Variants in SGMS1 observed in about 807,000 individuals in gnomAD.
SGMS1 encodes phosphatidylcholine:ceramide cholinephosphotransferase 1.
In SGMS1, 13 loss-of-function variants were observed where a neutral mutation model predicts 46.2. That is an observed-to-expected ratio of 0.28 (90% CI 0.18 to 0.45). The LOEUF is 0.45. Ranked by LOEUF, SGMS1 falls within the 20% of genes least tolerant of loss-of-function variation. The pLI is 1.00. For synonymous variants in SGMS1, 203 were observed against 187.8 expected (o/e 1.08, Z -0.66); for missense variants, 324 against 519.9 (o/e 0.62, Z 3.66).
At chr10:50,524,602 G>C (rs916167845) in intron 2 of SGMS1, among the ~76,000 whole-genome samples, 8 of 152,140 alleles carry the variant, frequency 5.3e-5, no homozygotes, top group African/African-American at 1.9e-4. Flanking sequence ...TAACATGTAT[G>C]ATCTTATTTA....
intron 3 of SGMS1, among the ~76,000 whole-genome samples, chr10:50,517,444 AAG>A (rs1462662360): frequency 6.6e-6 from 1 of 152,226 alleles, no homozygotes; most frequent in Non-Finnish European, 1.5e-5. Context: ...AACACAGCTA[AAG>A]AGAGAAGTAT....
chr10:50,591,667 G>A (rs1029475882), intron 1 of SGMS1, among the ~76,000 whole-genome samples: 3 of 152,112 alleles, frequency 2.0e-5, no homozygotes, highest in East Asian at 3.8e-4. Flanking sequence ...ACACTGCATC[G>A]CTGGCGATTT....
chr10:50,445,105 A>T (rs1836994336), intron 5 of SGMS1, among the ~76,000 whole-genome samples: 2 of 152,238 alleles, frequency 1.3e-5, no homozygotes, highest in African/African-American at 4.8e-5. Context: ...AAGTACATGA[A>T]AAAATTTTCA....
chr10:50,504,270 T>C (rs952530332), intron 3 of SGMS1, among the ~76,000 whole-genome samples: 1 of 152,172 alleles, frequency 6.6e-6, no homozygotes, highest in Non-Finnish European at 1.5e-5. Context: ...GTCCGGGTGG[T>C]GCCTGAGAAT....
chr10:50,624,146 C>G (rs1838888876), upstream of SGMS1: 1 of 984,950 alleles, frequency 1.0e-6, no homozygotes, highest in Non-Finnish European at 1.2e-6. Flanking sequence ...ATTTTACTTT[C>G]AAGTAATGGG....
intron 6 of SGMS1, among the ~76,000 whole-genome samples, chr10:50,359,994 ATTAC>A (rs1375754079): frequency 3.3e-5 from 5 of 152,134 alleles, no homozygotes; most frequent in Non-Finnish European, 7.4e-5. Context: ...ATAAACATAT[ATTAC>A]TTGCATTTAG....
At chr10:50,429,589 C>A (rs1203374) in intron 6 of SGMS1, among the ~76,000 whole-genome samples, 125,486 of 152,000 alleles carry the variant, frequency 0.83, 51,911 homozygotes, top group East Asian at 1. Flanking sequence ...TTGTCCTTAA[C>A]TTTTAATTAT....
At chr10:50,419,852 C>T (rs1849231769) in intron 6 of SGMS1, among the ~76,000 whole-genome samples, 1 of 152,112 alleles carries the variant, frequency 6.6e-6, no homozygotes, top group African/African-American at 2.4e-5. Context: ...TTCCACAGGC[C>T]AAGGTTTCTT....
chr10:50,372,437 G>A (rs991748233), intron 6 of SGMS1, among the ~76,000 whole-genome samples: 25 of 152,334 alleles, frequency 1.6e-4, no homozygotes, highest in African/African-American at 6.0e-4. Flanking sequence ...GCTCACGCCT[G>A]TAATCCCAGC....
At chr10:50,537,122 C>T (rs1392079839) in intron 2 of SGMS1, among the ~76,000 whole-genome samples, 1 of 152,258 alleles carries the variant, frequency 6.6e-6, no homozygotes, top group East Asian at 1.9e-4. Flanking sequence ...CAGTCTGCAT[C>T]TCTAACATGT....
At position 50,365,255 on chromosome 10, in the gene SGMS1, C is replaced by CAAAAAAAAAAAA. The variant is rs67951872; in HGVS notation, c.-231-20922_-231-20911dup. 1.4e-3 allele frequency among the ~76,000 whole-genome samples: 63 copies of CAAAAAAAAAAAA among 45,026 alleles called. 1 individual carries two copies. Among genetic ancestry groups the CAAAAAAAAAAAA allele is most frequent in the Non-Finnish European group, 2.0e-3 (47 of 23,368 alleles). The allele number at this position is 45,026 out of a possible 152,430, so 29.5% of individuals were successfully genotyped here. ...GCGACGGAGTGAGACTCCATCTCAC[C>CAAAAAAAAAAAA]AAAAAAAAAAAAAAAAAAAAAAAGC... On this transcript the variant is annotated intron_variant, in intron 6 of 10. Coordinates refer to ENST00000361781, the MANE Select transcript of SGMS1 (RefSeq NM_147156.4).
chr10:50,563,141 A>G (rs1838256092), intron 2 of SGMS1, among the ~76,000 whole-genome samples: 1 of 152,194 alleles, frequency 6.6e-6, no homozygotes, highest in African/African-American at 2.4e-5. Flanking sequence ...GCTTCCTGTT[A>G]GGCACTCTGC....
chr10:50,408,739 G>A (rs777876044), intron 6 of SGMS1, among the ~76,000 whole-genome samples: 6 of 151,994 alleles, frequency 3.9e-5, no homozygotes, highest in Non-Finnish European at 7.4e-5. Context: ...ACTGGGGTGC[G>A]TCTCAAGTAT....
At chr10:50,470,709 C>T (rs898902138) in intron 3 of SGMS1, among the ~76,000 whole-genome samples, 1 of 152,018 alleles carries the variant, frequency 6.6e-6, no homozygotes, top group Non-Finnish European at 1.5e-5. Context: ...AGGGTAAAGC[C>T]CTTCCTCAAA....
intron 3 of SGMS1, among the ~76,000 whole-genome samples, chr10:50,511,574 G>A (rs1837755739): frequency 6.6e-6 from 1 of 152,166 alleles, no homozygotes; most frequent in African/African-American, 2.4e-5. Context: ...TACAGAGTTG[G>A]CAATTATCCA....
rs566518753 is a variant in SGMS1, at chr10:50,314,417, C to T, written c.742-3002G>A. Among the ~76,000 whole-genome samples the T allele has an allele frequency of 2.6e-5, 4 of 152,242 alleles. No individual in the cohort carries two copies. In the South Asian group the frequency reaches 8.3e-4, roughly 32 times the overall value. On this transcript the variant is annotated intron_variant, in intron 8 of 10. Transcript: ENST00000361781. ...TGATTTGCTGTGTGACCTTATACAG[C>T]TGAACCATTCTAAGCCTCGATTTCC... is the stretch of plus-strand genomic sequence containing the variant.
At chr10:50,351,459 C>A (rs914790734) in intron 6 of SGMS1, among the ~76,000 whole-genome samples, 1 of 152,088 alleles carries the variant, frequency 6.6e-6, no homozygotes, top group Non-Finnish European at 1.5e-5. Context: ...GGGACAGGGG[C>A]AGAATGATAT....
chr10:50,385,879 G>T (rs1025465366), intron 6 of SGMS1, among the ~76,000 whole-genome samples: 2 of 152,074 alleles, frequency 1.3e-5, no homozygotes, highest in African/African-American at 4.8e-5. Context: ...TGCAAGAGCC[G>T]AACCCCTGTT....
chr10:50,366,621 A>G (rs539196610), intron 6 of SGMS1, among the ~76,000 whole-genome samples: 1 of 152,368 alleles, frequency 6.6e-6, no homozygotes, highest in African/African-American at 2.4e-5. Context: ...CTATGCAGCC[A>G]TAAAAAAGGA....
Sources: allele counts gnomAD v4.1 joint callset (sites outside exome capture counted in the v4.1 genomes callset), GRCh38; gene constraint gnomAD v4.1.1; transcripts MANE v1.5; gene names NCBI Gene and HGNC (gene_info 2026-07-23, HGNC 2026-07-21).